The following NT5DC1 variants were observed in gnomAD, a reference collection of about 807,000 sequenced individuals.
The protein encoded by NT5DC1 is 5'-nucleotidase domain-containing protein 1.
In NT5DC1, 42 loss-of-function variants were observed where a neutral mutation model predicts 59.4. The ratio of observed to expected loss-of-function variants is 0.71; its 90% confidence interval spans 0.55 to 0.92. NT5DC1 has a LOEUF of 0.92. NT5DC1 is among the 40% of genes least tolerant of loss of function. The pLI, the probability that NT5DC1 is intolerant of heterozygous loss-of-function variation, is 0.00. For synonymous variants in NT5DC1, 172 were observed against 188.1 expected (o/e 0.91, Z 0.70); for missense variants, 501 against 537.1 (o/e 0.93, Z 0.66).
chr6:116,190,496 G>A (rs1309715149), intron 6 of NT5DC1, among the ~76,000 whole-genome samples: 2 of 151,934 alleles, frequency 1.3e-5, no homozygotes, highest in African/African-American at 4.8e-5. Flanking sequence ...AGTGGTATCT[G>A]GAGAAAACAA....
chr6:116,243,276 A>T (rs1232167085), intron 11 of NT5DC1, among the ~76,000 whole-genome samples: 2 of 152,174 alleles, frequency 1.3e-5, no homozygotes, highest in Non-Finnish European at 2.9e-5. Flanking sequence ...GTTTTACATG[A>T]TCCTCTGAGG....
chr6:116,106,446 G>A (rs1778770749), intron 2 of NT5DC1, 111 bp downstream of exon 2: 5 of 641,700 alleles, frequency 7.8e-6, no homozygotes, highest in Non-Finnish European at 1.4e-5. Context: ...TGTGAAATGT[G>A]AGATTGAGTC....
At chr6:116,153,471 A>G (rs1463657762) in intron 6 of NT5DC1, among the ~76,000 whole-genome samples, 1 of 152,162 alleles carries the variant, frequency 6.6e-6, no homozygotes, top group African/African-American at 2.4e-5. Flanking sequence ...TCAAAATAAT[A>G]GAAGATAATA....
intron 6 of NT5DC1, chr6:116,119,975 A>C: frequency 9.1e-7 from 1 of 1,096,432 alleles, no homozygotes. Context: ...AATAAAAATT[A>C]CATTCTTTTC....
At chr6:116,210,459 A>G (rs548432517) in intron 6 of NT5DC1, among the ~76,000 whole-genome samples, 2 of 151,984 alleles carry the variant, frequency 1.3e-5, no homozygotes, top group African/African-American at 4.8e-5. Flanking sequence ...CAAGCTCCGA[A>G]AGCAGACCGC....
At chr6:116,217,952 A>G (rs928732463) in intron 6 of NT5DC1, among the ~76,000 whole-genome samples, 6 of 152,146 alleles carry the variant, frequency 3.9e-5, no homozygotes, top group African/African-American at 1.4e-4. Context: ...GGAGGTTACA[A>G]GGGGGCAAAA....
At chr6:116,178,068 T>C (rs868470821) in intron 6 of NT5DC1, among the ~76,000 whole-genome samples, 4,062 of 112,036 alleles carry the variant, frequency 0.036, 213 homozygotes, top group African/African-American at 0.15. Flanking sequence ...TGTGTGTGTG[T>C]GTGTGTGTGT....
intron 6 of NT5DC1, among the ~76,000 whole-genome samples, chr6:116,179,200 ATATAG>A (rs1377305652): frequency 6.6e-6 from 1 of 152,168 alleles, no homozygotes; most frequent in Non-Finnish European, 1.5e-5. Context: ...ATTAAATAAC[ATATAG>A]TAGATATTCT....
At chr6:116,174,760 G>A (rs1328222646) in intron 6 of NT5DC1, among the ~76,000 whole-genome samples, 1 of 151,972 alleles carries the variant, frequency 6.6e-6, no homozygotes, top group Non-Finnish European at 1.5e-5. Context: ...ACTCCATTTT[G>A]AAGGACTCAG....
intron 6 of NT5DC1, among the ~76,000 whole-genome samples, chr6:116,140,283 G>A (rs987254912): frequency 2.6e-5 from 4 of 152,092 alleles, no homozygotes; most frequent in Admixed American, 1.3e-4. Flanking sequence ...CTGAAATGCC[G>A]TGGTAGCAGT....
chr6:116,218,098 G>C (rs1357653887), intron 6 of NT5DC1, among the ~76,000 whole-genome samples: 2 of 152,038 alleles, frequency 1.3e-5, no homozygotes, highest in African/African-American at 4.8e-5. Flanking sequence ...GGACATCTCT[G>C]TTATGACTTC....
chr6:116,128,418 G>A (rs963560451), intron 6 of NT5DC1, among the ~76,000 whole-genome samples: 2 of 152,002 alleles, frequency 1.3e-5, no homozygotes, highest in African/African-American at 2.4e-5. Context: ...CTAGTCTGTG[G>A]CTTTATGAAG....
At chr6:116,211,153 A>G (rs753413204) in intron 6 of NT5DC1, among the ~76,000 whole-genome samples, 3 of 152,184 alleles carry the variant, frequency 2.0e-5, no homozygotes, top group Middle Eastern at 3.4e-3. Context: ...GCAGAGAGAA[A>G]GCTCAAGCTA....
At chr6:116,152,408 G>GAA (rs576268261) in intron 6 of NT5DC1, among the ~76,000 whole-genome samples, 2 of 151,048 alleles carry the variant, frequency 1.3e-5, no homozygotes, top group Non-Finnish European at 1.5e-5. Flanking sequence ...TCAAAAATAA[G>GAA]AAAAAAAAAT....
At chr6:116,120,381 G>A in intron 6 of NT5DC1, 1 of 1,614,232 alleles carries the variant, frequency 6.2e-7, no homozygotes, top group Non-Finnish European at 8.5e-7. Context: ...TAATGCTGTT[G>A]CCTGTTATAC....
At chr6:116,201,361 T>C (rs1781343238) in intron 6 of NT5DC1, among the ~76,000 whole-genome samples, 1 of 152,048 alleles carries the variant, frequency 6.6e-6, no homozygotes, top group African/African-American at 2.4e-5. Flanking sequence ...TATTGCACTG[T>C]ATAAAGGTAT....
intron 6 of NT5DC1, chr6:116,125,370 C>T (rs1779265485): frequency 6.2e-7 from 1 of 1,613,430 alleles, no homozygotes. Flanking sequence ...GAATGAAGAA[C>T]TGTGTCTTGG....
intron 8 of NT5DC1, among the ~76,000 whole-genome samples, chr6:116,230,148 T>C (rs918431424): frequency 6.6e-6 from 1 of 152,168 alleles, no homozygotes; most frequent in Non-Finnish European, 1.5e-5. Flanking sequence ...CCCTTTCCAC[T>C]AGGCCATCTA....
chr6:116,157,292 G>A (rs888112094), intron 6 of NT5DC1, among the ~76,000 whole-genome samples: 2 of 152,136 alleles, frequency 1.3e-5, no homozygotes, highest in Non-Finnish European at 2.9e-5. Context: ...ATGTCAGATT[G>A]TGTGGCACCA....
Sources: gnomAD v4.1 joint callset for allele counts (sites outside exome capture counted in the v4.1 genomes callset) on GRCh38, gnomAD v4.1.1 for gene constraint, MANE v1.5 for transcripts, NCBI Gene and HGNC (gene_info 2026-07-23, HGNC 2026-07-21) for gene names.